The following MGAT4C variants were observed in gnomAD, a reference collection of about 807,000 sequenced individuals.
MGAT4C encodes alpha-1,3-mannosyl-glycoprotein 4-beta-N-acetylglucosaminyltransferase C.
A neutral mutation model predicts 40.1 loss-of-function variants in MGAT4C; 19 were observed. The ratio of observed to expected loss-of-function variants is 0.47; its 90% CI spans 0.33 to 0.70. MGAT4C has a LOEUF of 0.70. Ranked by LOEUF, MGAT4C falls within the 30% of genes least tolerant of loss-of-function variation. The pLI is 0.02. For missense variants in MGAT4C, 491 were observed against 563.2 expected (o/e 0.87, Z 1.30); for synonymous variants, 181 against 187.1 (o/e 0.97, Z 0.27).
intron 1 of MGAT4C, among the ~76,000 whole-genome samples, chr12:86,818,469 T>G (rs1952646327): frequency 6.6e-6 from 1 of 151,156 alleles, no homozygotes; most frequent in Admixed American, 6.6e-5. Flanking sequence ...AGTGAATTGT[T>G]AGAGGCATGG....
At chr12:86,325,161 T>C (rs1373071029) in intron 4 of MGAT4C, among the ~76,000 whole-genome samples, 1 of 152,130 alleles carries the variant, frequency 6.6e-6, no homozygotes, top group African/African-American at 2.4e-5. Context: ...TACATTCAAG[T>C]ACAGATATTT....
At chr12:86,055,437 GATA>G (rs1347717419) in intron 1 of MGAT4C, among the ~76,000 whole-genome samples, 3 of 152,054 alleles carry the variant, frequency 2.0e-5, no homozygotes, top group African/African-American at 7.2e-5. Context: ...GGACATTCCT[GATA>G]ATGAGAACCA....
At chr12:86,550,941 G>A (rs1418859411) in intron 2 of MGAT4C, among the ~76,000 whole-genome samples, 2 of 152,200 alleles carry the variant, frequency 1.3e-5, no homozygotes, top group African/African-American at 2.4e-5. Context: ...CAATGTGGGT[G>A]CCTATAATCA....
chr12:86,337,547 T>C (rs962912963), intron 3 of MGAT4C, among the ~76,000 whole-genome samples: 2 of 148,108 alleles, frequency 1.4e-5, no homozygotes, highest in Non-Finnish European at 3.0e-5. Flanking sequence ...GATAGTGCCA[T>C]TGCACTCCAG....
In MGAT4C at chr12:86,482,243, TAC is replaced by T. The variant is rs550170303; in HGVS notation, c.-228-46980_-228-46979del. 3.3e-3 allele frequency among the ~76,000 whole-genome samples: 499 copies of T among 152,224 alleles called. 2 individuals carry two copies. Among genetic ancestry groups the T allele is most frequent in the African/African-American group, 0.012 (482 of 41,552 alleles). On this transcript the variant is annotated intron_variant, in intron 2 of 7. Transcript: ENST00000548651. ...CATTAGAACAACACTACACTATTTT[TAC>T]ACAATTTTTAATCAGCTAAATTAAA...
At chr12:86,373,670 T>A (rs1226477098) in intron 3 of MGAT4C, among the ~76,000 whole-genome samples, 1 of 151,530 alleles carries the variant, frequency 6.6e-6, no homozygotes, top group Admixed American at 6.6e-5. Flanking sequence ...TTTTTTTTGA[T>A]GTAGCATAGT....
chr12:86,376,820 G>GAGAGAGAGAGAA (rs1189989858), intron 3 of MGAT4C, among the ~76,000 whole-genome samples: 1 of 20,092 alleles, frequency 5.0e-5, no homozygotes, highest in Non-Finnish European at 7.7e-5. Context: ...GAGAGAGACA[G>GAGAGAGAGAGAA]AGAGAGAGAG....
chr12:86,028,229 TC>T (rs1370361595), intron 2 of MGAT4C: 1 of 1,227,244 alleles, frequency 8.1e-7, no homozygotes, highest in East Asian at 5.7e-5. Context: ...AAGTTCAAAA[TC>T]TTTTTCATTA....
chr12:85,986,889 T>G (rs2136706501), intron 3 of MGAT4C, among the ~76,000 whole-genome samples: 1 of 152,208 alleles, frequency 6.6e-6, no homozygotes, highest in African/African-American at 2.4e-5. Context: ...TTTAGAAGAA[T>G]AATTGTAATG....
At chr12:86,438,833 T>C (rs978106659) in intron 2 of MGAT4C, among the ~76,000 whole-genome samples, 5 of 151,626 alleles carry the variant, frequency 3.3e-5, no homozygotes, top group African/African-American at 1.2e-4. Flanking sequence ...TATTCTCATA[T>C]CAGATGAAAC....
At chr12:86,776,113 A>G (rs913309070) in intron 1 of MGAT4C, among the ~76,000 whole-genome samples, 1 of 152,006 alleles carries the variant, frequency 6.6e-6, no homozygotes, top group South Asian at 2.1e-4. Flanking sequence ...AAATCTATAG[A>G]GCCTGATGAT....
intron 2 of MGAT4C, among the ~76,000 whole-genome samples, chr12:86,446,743 C>G (rs1957348044): frequency 7.5e-6 from 1 of 133,670 alleles, no homozygotes; most frequent in East Asian, 2.2e-4. Flanking sequence ...GTGGATTTCA[C>G]AATTGCAATG....
intron 1 of MGAT4C, among the ~76,000 whole-genome samples, chr12:86,810,225 T>A (rs1224746490): frequency 6.6e-6 from 1 of 151,930 alleles, no homozygotes; most frequent in African/African-American, 2.4e-5. Context: ...CATTTAGGCA[T>A]TTGGGGAATT....
chr12:86,445,911 C>T (rs58249972), intron 2 of MGAT4C, among the ~76,000 whole-genome samples: 1 of 151,986 alleles, frequency 6.6e-6, no homozygotes, highest in Non-Finnish European at 1.5e-5. Flanking sequence ...GGAAGAGGTA[C>T]AAAATAATCT....
At chr12:86,250,516 GA>G (rs2136073911) in intron 1 of MGAT4C, among the ~76,000 whole-genome samples, 1 of 141,648 alleles carries the variant, frequency 7.1e-6, no homozygotes, top group African/African-American at 2.6e-5. Flanking sequence ...GAAAAGCAGA[GA>G]CTGTTGGTCT....
intron 1 of MGAT4C, among the ~76,000 whole-genome samples, chr12:86,129,391 AAC>A (rs1286760640): frequency 1.3e-5 from 2 of 152,162 alleles, no homozygotes; most frequent in African/African-American, 4.8e-5. Context: ...CAGCTAGAGA[AAC>A]AGTCTTCACA....
rs532788370 is a variant in MGAT4C, at chr12:86,159,765, T to C, written c.-57+96474A>G. 2.6e-5 allele frequency among the ~76,000 whole-genome samples: 4 copies of C among 152,178 alleles called. No homozygotes were observed. In the South Asian group the frequency reaches 6.2e-4, roughly 24 times the overall value. The stretch of plus-strand genomic sequence containing the variant: ...TTCCTCATTCAATCTTGGGAGATTG[T>C]GTGCTTCCAGGAATTTACCCATTTC... On this transcript the variant is annotated intron_variant, in intron 1 of 4. Coordinates refer to ENST00000611864, the MANE Select transcript of MGAT4C (RefSeq NM_001351288.2).
intron 2 of MGAT4C, among the ~76,000 whole-genome samples, chr12:86,463,778 CTT>C (rs1565779520): frequency 1.3e-5 from 2 of 152,132 alleles, no homozygotes; most frequent in Admixed American, 1.3e-4. Flanking sequence ...TAATCTTCCT[CTT>C]ATATTAATAA....
intron 1 of MGAT4C, among the ~76,000 whole-genome samples, chr12:86,828,249 G>T (rs2035718): frequency 0.47 from 70,348 of 150,354 alleles, 18,021 homozygotes; most frequent in Admixed American, 0.57. Context: ...ACTTTTTCAT[G>T]TAAAACAGGA....
Sources: allele counts gnomAD v4.1 joint callset (sites outside exome capture counted in the v4.1 genomes callset), GRCh38; gene constraint gnomAD v4.1.1; transcripts MANE v1.5; gene names NCBI Gene and HGNC (gene_info 2026-07-23, HGNC 2026-07-21).